Variants in AIG1 observed in about 807,000 individuals in gnomAD.
AIG1 encodes the protein androgen-induced gene 1 protein.
AIG1 carries 23 observed loss-of-function variants against 31.4 expected under a neutral mutation model. The ratio of observed to expected loss-of-function variants is 0.73; its 90% CI spans 0.53 to 1.04. The LOEUF is 1.04. Ranked by LOEUF, AIG1 falls within the 50% of genes least tolerant of loss-of-function variation. The probability of loss-of-function intolerance (pLI) is 0.00; values close to 1 mark genes in which losing one functional copy is unlikely to be tolerated. For synonymous variants in AIG1, 100 were observed against 110.5 expected (o/e 0.90, Z 0.60); for missense variants, 274 against 295.0 (o/e 0.93, Z 0.52).
At position 143,326,806 on chromosome 6, in the gene AIG1, C is replaced by T. The variant is rs897461094; in HGVS notation, c.516-6476C>T. Among the ~76,000 whole-genome samples the T allele has an allele frequency of 1.3e-5, 2 of 152,096 alleles. No homozygotes were observed. Among genetic ancestry groups the T allele is most frequent in the Non-Finnish European group, 2.9e-5 (2 of 68,030 alleles). ...GCAGAAAGAAGAATATGTGAAAACC[C>T]ACATTGCAGGAGGGAACATGACAAG... is the stretch of plus-strand genomic sequence containing the variant. On this transcript the variant is annotated intron_variant, in intron 4 of 5. Coordinates refer to ENST00000357847, the MANE Select transcript of AIG1 (RefSeq NM_016108.4). This position sits in a 1 kb window ranked among gnomAD's most constrained non-coding sequence, Gnocchi z 4.5.
chr6:143,190,115 A>T, intron 3 of AIG1: 1 of 931,044 alleles, frequency 1.1e-6, no homozygotes, highest in Non-Finnish European at 1.3e-6. Flanking sequence ...GCCATCTCCT[A>T]ATGCTATAAC....
intron 3 of AIG1, among the ~76,000 whole-genome samples, chr6:143,223,578 C>T (rs558290522): frequency 6.6e-6 from 1 of 152,264 alleles, no homozygotes; most frequent in South Asian, 2.1e-4. Flanking sequence ...CCTCCCCAGC[C>T]CCACTTCATG....
rs569458194 is a variant in AIG1 at position 143,176,074 on chromosome 6, A to T, written c.399+10891A>T. 5.3e-5 allele frequency among the ~76,000 whole-genome samples: 8 copies of T among 152,262 alleles called. No homozygotes were observed. The East Asian group carries it at 1.5e-3, about 29-fold the overall frequency. ...AATCGAACTGCAGTGATTGTTATTT[A>T]TCTTCTGGATCTAGCCACCCAGTGG... On this transcript the variant is annotated intron_variant, in intron 3 of 5. Transcript: ENST00000357847.
chr6:143,229,668 C>T (rs949280703), intron 3 of AIG1, among the ~76,000 whole-genome samples: 1 of 151,842 alleles, frequency 6.6e-6, no homozygotes, highest in Non-Finnish European at 1.5e-5. Flanking sequence ...AATACCATCC[C>T]CACAGACCAC....
intron 3 of AIG1, among the ~76,000 whole-genome samples, chr6:143,237,426 G>T (rs1167601705): frequency 6.6e-6 from 1 of 152,096 alleles, no homozygotes; most frequent in Non-Finnish European, 1.5e-5. Context: ...AGGAACATAC[G>T]GTATGCAGGC....
chr6:143,103,103 T>C (rs1780453095), intron 1 of AIG1, among the ~76,000 whole-genome samples: 1 of 152,232 alleles, frequency 6.6e-6, no homozygotes, highest in Admixed American at 6.5e-5. Context: ...AGTTGACTTA[T>C]TTATTTGATA....
At chr6:143,165,240 A>C in intron 3 of AIG1, 57 bp downstream of exon 3, 4 of 1,339,486 alleles carry the variant, frequency 3.0e-6, no homozygotes, top group Non-Finnish European at 3.2e-6. Context: ...TTAAATAGCT[A>C]TGATCTGCTA....
chr6:143,171,879 G>A (rs1025523554), intron 3 of AIG1, among the ~76,000 whole-genome samples: 2 of 152,010 alleles, frequency 1.3e-5, no homozygotes, highest in East Asian at 3.9e-4. Context: ...CACCTTCACA[G>A]GAGTCAGATG....
intron 4 of AIG1, among the ~76,000 whole-genome samples, chr6:143,303,346 T>G (rs1368061046): frequency 1.4e-4 from 22 of 152,190 alleles, no homozygotes; most frequent in African/African-American, 5.3e-4. Flanking sequence ...TTCTAGGGTT[T>G]TTATGGTTTT....
intron 3 of AIG1, among the ~76,000 whole-genome samples, chr6:143,276,250 C>T (rs540148157): frequency 9.9e-5 from 15 of 152,246 alleles, no homozygotes; most frequent in African/African-American, 2.2e-4. Context: ...TTTTATTTGG[C>T]GTAATTATTA....
chr6:143,115,297 G>A (rs759322817), intron 1 of AIG1, among the ~76,000 whole-genome samples: 1 of 152,168 alleles, frequency 6.6e-6, no homozygotes, highest in Non-Finnish European at 1.5e-5. Flanking sequence ...CTGAAAGATT[G>A]TAGCCATTTG....
intron 2 of AIG1, among the ~76,000 whole-genome samples, chr6:143,151,883 G>A (rs961757723): frequency 6.6e-6 from 1 of 152,210 alleles, no homozygotes; most frequent in African/African-American, 2.4e-5. Flanking sequence ...ATAATCTGAT[G>A]AATTCGGTTG....
At chr6:143,196,081 G>T (rs1467666484) in intron 3 of AIG1, among the ~76,000 whole-genome samples, 1 of 152,132 alleles carries the variant, frequency 6.6e-6, no homozygotes, top group African/African-American at 2.4e-5. Context: ...GCCTTATTTA[G>T]CAGGCTCAGA....
intron 3 of AIG1, among the ~76,000 whole-genome samples, chr6:143,198,268 G>A (rs1447565270): frequency 6.6e-6 from 1 of 152,120 alleles, no homozygotes; most frequent in African/African-American, 2.4e-5. Flanking sequence ...AGGAGGTGGC[G>A]AGGGAAAATG....
chr6:143,262,023 A>C (rs1317628330), intron 3 of AIG1, among the ~76,000 whole-genome samples: 1 of 152,232 alleles, frequency 6.6e-6, no homozygotes, highest in Non-Finnish European at 1.5e-5. Context: ...CTGTTGATAA[A>C]TAGAATTGGA....
At chr6:143,336,199 A>T (rs540924020) in intron 5 of AIG1, among the ~76,000 whole-genome samples, 1 of 152,280 alleles carries the variant, frequency 6.6e-6, no homozygotes, top group South Asian at 2.1e-4. Flanking sequence ...AAGAAGGAAG[A>T]TTGCATTGGA....
intron 3 of AIG1, among the ~76,000 whole-genome samples, chr6:143,239,060 A>C (rs1231863501): frequency 6.6e-6 from 1 of 152,194 alleles, no homozygotes; most frequent in Non-Finnish European, 1.5e-5. Context: ...TCATGGCAGA[A>C]TTTTTAGGTA....
chr6:143,144,644 T>G (rs1247932669), intron 2 of AIG1, among the ~76,000 whole-genome samples: 3 of 152,202 alleles, frequency 2.0e-5, no homozygotes, highest in African/African-American at 7.2e-5. Context: ...TGGCTCACTC[T>G]TTCACTTCAT....
intron 1 of AIG1, among the ~76,000 whole-genome samples, chr6:143,116,879 T>G (rs1781784720): frequency 6.6e-6 from 1 of 151,988 alleles, no homozygotes; most frequent in Non-Finnish European, 1.5e-5. Flanking sequence ...GACCTCCACC[T>G]GGCAACCTTC....
Sources: allele counts gnomAD v4.1 joint callset (sites outside exome capture counted in the v4.1 genomes callset), GRCh38; gene constraint gnomAD v4.1.1; non-coding constraint Gnocchi (gnomAD v3.1); transcripts MANE v1.5; gene names NCBI Gene and HGNC (gene_info 2026-07-23, HGNC 2026-07-21).